MGAT4C: variants seen among roughly 807,000 people sequenced by gnomAD.
MGAT4C encodes the protein MGAT4 family member C.
In MGAT4C, 19 loss-of-function variants were observed where a neutral mutation model predicts 40.1. The observed-to-expected ratio is 0.47, with a 90% confidence interval of 0.33 to 0.70. MGAT4C has a LOEUF of 0.70. MGAT4C is among the 30% of genes least tolerant of loss of function. The pLI is 0.02. For missense variants in MGAT4C, 491 were observed against 563.2 expected, an observed-to-expected ratio of 0.87 and a Z score of 1.30; for synonymous variants, 181 against 187.1, an observed-to-expected ratio of 0.97 and a Z score of 0.27.
intron 2 of MGAT4C, among the ~76,000 whole-genome samples, chr12:86,482,067 T>TACACGC (rs1957946867): frequency 7.0e-6 from 1 of 143,202 alleles, no homozygotes; most frequent in African/African-American, 2.6e-5. Context: ...AACATGTCAC[T>TACACGC]ACACACACAC....
intron 3 of MGAT4C, among the ~76,000 whole-genome samples, chr12:86,434,112 A>T (rs1166006401): frequency 1.3e-5 from 2 of 152,032 alleles, no homozygotes; most frequent in Non-Finnish European, 2.9e-5. Flanking sequence ...TTGTATTTAA[A>T]TCTCATAGAT....
chr12:86,165,519 A>G lies in MGAT4C; in HGVS notation c.-57+90720T>C, dbSNP rs567719580. 5.3e-5 allele frequency among the ~76,000 whole-genome samples: 8 copies of G among 152,244 alleles called. No individual in the cohort carries two copies. In the South Asian group the frequency reaches 1.7e-3, roughly 32 times the overall value. On this transcript the variant is annotated intron_variant, in intron 1 of 4. Coordinates refer to ENST00000611864, the MANE Select transcript of MGAT4C (RefSeq NM_001351288.2). The stretch of plus-strand genomic sequence containing the variant: ...CATTTGTTCATATGTTCACAAAGGA[A>G]ACTGTTTAGGTGAAGCTTCACAATA...
chr12:86,611,159 T>A (rs945963582), intron 2 of MGAT4C, among the ~76,000 whole-genome samples: 2 of 152,226 alleles, frequency 1.3e-5, no homozygotes, highest in East Asian at 3.9e-4. Context: ...TACATTTCCA[T>A]GGCTGCCAAA....
chr12:86,225,742 A>G (rs1326260936), intron 1 of MGAT4C, among the ~76,000 whole-genome samples: 1 of 152,138 alleles, frequency 6.6e-6, no homozygotes, highest in Non-Finnish European at 1.5e-5. Flanking sequence ...AAAATTTAAT[A>G]TCTTTTTATG....
chr12:86,171,313 G>A (rs1272545169), intron 1 of MGAT4C, among the ~76,000 whole-genome samples: 1 of 152,066 alleles, frequency 6.6e-6, no homozygotes, highest in African/African-American at 2.4e-5. Flanking sequence ...AGGTTGCGGT[G>A]AGCTGAGATT....
At chr12:86,385,941 T>C (rs1023850289) in intron 3 of MGAT4C, among the ~76,000 whole-genome samples, 3 of 151,978 alleles carry the variant, frequency 2.0e-5, no homozygotes, top group Non-Finnish European at 4.4e-5. Context: ...TATTTATTTA[T>C]TTTTTTTGAG....
chr12:86,288,443 C>A (rs547463840), intron 4 of MGAT4C, among the ~76,000 whole-genome samples: 8 of 152,048 alleles, frequency 5.3e-5, no homozygotes, highest in Admixed American at 2.6e-4. Context: ...CTGAATGGTA[C>A]TGCCTAGGTT....
intron 1 of MGAT4C, among the ~76,000 whole-genome samples, chr12:86,130,338 A>G (rs1880995101): frequency 6.6e-6 from 1 of 152,206 alleles, no homozygotes; most frequent in South Asian, 2.1e-4. Context: ...GAAATGTGAG[A>G]ATGATTATTT....
In MGAT4C at chr12:86,806,699, G is replaced by C. The variant is rs148309071; in HGVS notation, c.-262+31967C>G. On this transcript the variant is annotated intron_variant, in intron 1 of 7. Coordinates refer to the MGAT4C transcript ENST00000548651. ...TTCCATTTCTAAAATTTTGCCATTTGAAAATGTCTTCCTTTCTGGAGCTGG... is the reference window on the plus strand; with the variant it reads ...TTCCATTTCTAAAATTTTGCCATTTCAAAATGTCTTCCTTTCTGGAGCTGG... 3.7e-3 allele frequency among the ~76,000 whole-genome samples: 559 copies of C among 151,986 alleles called. 4 individuals carry two copies. The highest frequency in any genetic ancestry group is 0.013 in the African/African-American group (528 of 41,498).
intron 1 of MGAT4C, among the ~76,000 whole-genome samples, chr12:86,237,357 T>C (rs1951598181): frequency 6.6e-6 from 1 of 151,734 alleles, no homozygotes; most frequent in Non-Finnish European, 1.5e-5. Context: ...TGTTGGGCAA[T>C]TAAAGGGGAA....
intron 1 of MGAT4C, among the ~76,000 whole-genome samples, chr12:86,214,474 A>C (rs1009859339): frequency 6.6e-6 from 1 of 152,222 alleles, no homozygotes. Flanking sequence ...CTACTATAAC[A>C]AAATGCCATA....
intron 2 of MGAT4C, among the ~76,000 whole-genome samples, chr12:86,538,598 T>C (rs904584898): frequency 7.0e-6 from 1 of 142,678 alleles, no homozygotes; most frequent in African/African-American, 2.5e-5. Context: ...GTGCTCAAAG[T>C]GTAATACTTC....
intron 1 of MGAT4C, among the ~76,000 whole-genome samples, chr12:86,111,362 C>T (rs1371189919): frequency 6.6e-6 from 1 of 151,698 alleles, no homozygotes; most frequent in African/African-American, 2.4e-5. Context: ...ATCTCACTAT[C>T]CTGTTGTATT....
At chr12:85,983,693 G>A (rs1884884045) in intron 3 of MGAT4C, 23 bp from the exon 4 acceptor site, 3 of 1,509,524 alleles carry the variant, frequency 2.0e-6, no homozygotes, top group South Asian at 1.3e-5. Flanking sequence ...AAAGAAGCAA[G>A]GAAAATATAT....
intron 2 of MGAT4C, among the ~76,000 whole-genome samples, chr12:86,661,800 G>A (rs1458347152): frequency 5.3e-5 from 8 of 152,134 alleles, no homozygotes; most frequent in African/African-American, 1.2e-4. Flanking sequence ...TTAGCCGGGC[G>A]TGGTGGTGTG....
intron 1 of MGAT4C, among the ~76,000 whole-genome samples, chr12:86,739,433 A>T (rs535361816): frequency 6.6e-6 from 1 of 151,048 alleles, no homozygotes; most frequent in East Asian, 1.9e-4. Flanking sequence ...TAAAGCATAT[A>T]TTCTCACTTA....
At chr12:86,399,992 G>A (rs1224498316) in intron 3 of MGAT4C, among the ~76,000 whole-genome samples, 1 of 152,182 alleles carries the variant, frequency 6.6e-6, no homozygotes, top group Non-Finnish European at 1.5e-5. Context: ...AAAGCAATGG[G>A]GTTTGTGATT....
In MGAT4C at chr12:86,693,210, T is replaced by C. The variant is rs139521699; in HGVS notation, c.-229+33999A>G. ...CTGAAGGCAGACCTGGAAGGTGCGT[T>C]AGAGTATCTACTTCACTCCATTTTA... is the stretch of plus-strand genomic sequence containing the variant. On this transcript the variant is annotated intron_variant, in intron 2 of 7. Coordinates refer to the MGAT4C transcript ENST00000548651. Among the ~76,000 whole-genome samples, 1,321 of 152,340 alleles carry C rather than the reference T, an allele frequency of 8.7e-3. 7 individuals are homozygous for C. The highest frequency in any genetic ancestry group is 0.017 in the Middle Eastern group (5 of 294).
chr12:86,145,463 A>G (rs1480965678), intron 1 of MGAT4C, among the ~76,000 whole-genome samples: 5 of 152,152 alleles, frequency 3.3e-5, no homozygotes, highest in Non-Finnish European at 7.4e-5. Flanking sequence ...GTTAATTACC[A>G]AGTAGCAGAT....
Sources: gnomAD v4.1 joint callset for allele counts (sites outside exome capture counted in the v4.1 genomes callset) on GRCh38, gnomAD v4.1.1 for gene constraint, MANE v1.5 for transcripts, NCBI Gene and HGNC (gene_info 2026-07-23, HGNC 2026-07-21) for gene names.